The following CTSC variants were observed in gnomAD, a reference collection of about 807,000 sequenced individuals.
CTSC encodes cathepsin C.
In CTSC, 37 loss-of-function variants were observed where a neutral mutation model predicts 40.9. The observed-to-expected ratio is 0.91, with a 90% CI of 0.70 to 1.19. CTSC has a LOEUF of 1.19. Ranked by LOEUF, CTSC falls within the 50% of genes most tolerant of loss-of-function variation. The probability of loss-of-function intolerance (pLI) is 0.00; values close to 1 mark genes in which losing one functional copy is unlikely to be tolerated. For synonymous variants in CTSC, 232 were observed against 207.4 expected (o/e 1.12, Z -1.02); for missense variants, 594 against 567.3 (o/e 1.05, Z -0.48).
intron 2 of CTSC, chr11:88,324,723 T>C (rs932048477): frequency 1.0e-6 from 1 of 985,340 alleles, no homozygotes; most frequent in Non-Finnish European, 1.2e-6. Flanking sequence ...CGATATGCAA[T>C]GGGAACCAAA....
At position 88,312,571 on chromosome 11, in the gene CTSC, G is replaced by A. The variant is rs771451810; in HGVS notation, c.319-17C>T. 6.2e-7 allele frequency: 1 copy of A among 1,613,712 alleles called. No homozygotes were observed. Among genetic ancestry groups the A allele is most frequent in the African/African-American group, 1.3e-5 (1 of 75,020 alleles). ...TTCTTTATACTGCAAACAAATAAGA[G>A]AAAAGAAAACCAAGTAAAATCTGTC... On this transcript the variant is annotated splice_polypyrimidine_tract_variant and intron_variant, in intron 2 of 6. Transcript: ENST00000227266.
chr11:88,312,408 G>T lies in CTSC; in HGVS notation c.465C>A (p.His155Gln). 3 of 1,614,018 alleles carry T rather than the reference G, an allele frequency of 1.9e-6. No homozygotes were observed. Among genetic ancestry groups the T allele is most frequent in the Non-Finnish European group, 2.5e-6 (3 of 1,179,956 alleles). The stretch of plus-strand genomic sequence containing the variant: ...CTCACTTTTCCTGAGAATTCTTAAG[G>T]TGTGCTATGTTGACATACACATTCT... ...ASENVYVNIAHLKNSQEKYSN... is the reference protein window; with the variant it reads ...ASENVYVNIAQLKNSQEKYSN... The change falls in exon 3 of 7, where the codon CAC becomes CAA. Residue 155 changes from histidine (H) to glutamine (Q), a missense_variant. His to Gln is a conservative substitution (Grantham distance 24). Coordinates refer to ENST00000227266, the MANE Select transcript of CTSC (RefSeq NM_001814.6).
chr11:88,299,391 G>A (rs892460392), intron 5 of CTSC: 1 of 152,144 alleles, frequency 6.6e-6, no homozygotes, highest in African/African-American at 2.4e-5. Context: ...AAATTGAGAA[G>A]GTAGGGAAAG....
Position 88,293,865 on chromosome 11 carries a change from G to A in CTSC, c.*141C>T. ...GAAAGGTATATTAAAATTAAGGGCA[G>A]TTTTAATTCTGAAGACAAATATCTT... On this transcript the variant is annotated 3_prime_UTR_variant, in exon 7 of 7. Transcript: ENST00000227266. 1 of 1,055,080 alleles carries A rather than the reference G, an allele frequency of 9.5e-7. No individual in the cohort carries two copies. Among genetic ancestry groups the A allele is most frequent in the African/African-American group, 1.6e-5 (1 of 64,028 alleles). 65.4% of individuals were successfully genotyped at this position (1,055,080 alleles called of 1,614,324 possible). A position where few individuals can be genotyped will look rare whatever the true frequency, so the allele number is the denominator to read the frequency against.
chr11:88,296,315 G>A, intron 5 of CTSC, 51 bp from the exon 6 acceptor site: 1 of 1,609,488 alleles, frequency 6.2e-7, no homozygotes, highest in Non-Finnish European at 8.5e-7. Flanking sequence ...AAGCCTCACA[G>A]AGAATCATGC....
chr11:88,318,112 A>AG (rs1410185791), intron 2 of CTSC, among the ~76,000 whole-genome samples: 2 of 152,118 alleles, frequency 1.3e-5, no homozygotes, highest in Non-Finnish European at 2.9e-5. Context: ...CACTGAGGAG[A>AG]GGGAAAAAAA....
intron 2 of CTSC, chr11:88,325,057 T>A (rs570783140): frequency 3.0e-6 from 3 of 984,532 alleles, no homozygotes; most frequent in Non-Finnish European, 3.6e-6. Context: ...GAATTAAACA[T>A]AACCCCATAA....
Position 88,327,951 on chromosome 11 carries a change from G to C in CTSC, c.318+6986C>G, listed in dbSNP as rs1938236061. 1.1e-5 allele frequency: 7 copies of C among 666,342 alleles called. No individual in the cohort carries two copies. The South Asian group carries it at 1.2e-4, about 11-fold the overall frequency. The allele number at this position is 666,342 out of a possible 1,614,324, so 41.3% of individuals were successfully genotyped here. On this transcript the variant is annotated intron_variant, in intron 2 of 6. Transcript: ENST00000227266. ...CACATAAAATAGTGCAGACAACTTA[G>C]AAACAGCAGACAAGCAGGCTCAAGC...
intron 2 of CTSC, among the ~76,000 whole-genome samples, chr11:88,314,550 C>A (rs1310005967): frequency 6.6e-6 from 1 of 152,068 alleles, no homozygotes; most frequent in African/African-American, 2.4e-5. Context: ...TTTTTTCAGA[C>A]AGAGTCTCAC....
At position 88,337,542 on chromosome 11, in the gene CTSC, C is replaced by T; in HGVS notation, c.131G>A (p.Gly44Asp). ...DLLGTWVFQV[G>D]SSGSQRDVNC... ...GACATCGCGCTGGGAACCGCTGGAG[C>T]CCACCTGGAAGACCCAGGTGCCCAG... Residue 44 changes from glycine (G) to aspartate (D), a missense_variant, in exon 1 of 7, where the codon GGC becomes GAC. By Grantham distance (94) the Gly-to-Asp change is moderately conservative. Coordinates refer to ENST00000227266, the MANE Select transcript of CTSC (RefSeq NM_001814.6). 1 of 1,576,760 alleles carries T rather than the reference C, an allele frequency of 6.3e-7. No homozygotes were observed. The highest frequency in any genetic ancestry group is 8.6e-7 in the Non-Finnish European group (1 of 1,160,316).
intron 3 of CTSC, among the ~76,000 whole-genome samples, chr11:88,309,808 A>ATG (rs1937708813): frequency 9.9e-6 from 1 of 100,534 alleles, no homozygotes; most frequent in South Asian, 3.1e-4. Context: ...ATATATATGT[A>ATG]TGCGCGCACA....
chr11:88,334,388 T>C (rs955480953), intron 2 of CTSC, among the ~76,000 whole-genome samples: 6 of 152,348 alleles, frequency 3.9e-5, no homozygotes, highest in Admixed American at 3.3e-4. Flanking sequence ...CTGGGTTGAC[T>C]TGGCTACCTT....
intron 2 of CTSC, among the ~76,000 whole-genome samples, chr11:88,318,631 C>G (rs217052): frequency 0.16 from 25,019 of 152,182 alleles, 2,754 homozygotes; most frequent in South Asian, 0.32. Context: ...ATTGGCCAGG[C>G]GCAGTGGCTC....
chr11:88,334,799 C>A, intron 2 of CTSC, 138 bp downstream of exon 2: 2 of 684,340 alleles, frequency 2.9e-6, no homozygotes, highest in Non-Finnish European at 2.6e-6. Flanking sequence ...ATACCAACTA[C>A]TACTACTCTT....
chr11:88,331,814 A>T (rs217068), intron 2 of CTSC, among the ~76,000 whole-genome samples: 1 of 152,068 alleles, frequency 6.6e-6, no homozygotes, highest in African/African-American at 2.4e-5. Context: ...GGTCTTAGAA[A>T]CCATAATCAG....
intron 2 of CTSC, among the ~76,000 whole-genome samples, chr11:88,313,843 TC>T (rs544671502): frequency 1.8e-4 from 28 of 152,260 alleles, no homozygotes; most frequent in African/African-American, 5.5e-4. Context: ...GATTCCATGA[TC>T]AAATGCAGGG....
At chr11:88,320,945 G>A in intron 2 of CTSC, 1 of 982,254 alleles carries the variant, frequency 1.0e-6, no homozygotes, top group Non-Finnish European at 1.2e-6. Context: ...TTAAAGACCA[G>A]AGAGGAATAC....
intron 3 of CTSC, among the ~76,000 whole-genome samples, chr11:88,309,814 GCACACACACACACA>G (rs71470765): frequency 1.7e-5 from 2 of 118,946 alleles, no homozygotes; most frequent in African/African-American, 3.7e-5. Flanking sequence ...ATGTATGCGC[GCACACACACACACA>G]CACACACACA....
chr11:88,337,431 G>T, intron 1 of CTSC, 70 bp downstream of exon 1: 1 of 1,457,150 alleles, frequency 6.9e-7, no homozygotes. Flanking sequence ...AGCGGTAGTT[G>T]GCGTGGCGCT....
Sources: allele counts gnomAD v4.1 joint callset (sites outside exome capture counted in the v4.1 genomes callset), GRCh38; gene constraint gnomAD v4.1.1; transcripts MANE v1.5; gene names NCBI Gene and HGNC (gene_info 2026-07-23, HGNC 2026-07-21).